The following MLF2 variants were observed in gnomAD, a reference collection of about 807,000 sequenced individuals.
MLF2 encodes myelodysplasia-myeloid leukemia factor 2.
Under a neutral mutation model 31.4 loss-of-function variants are expected in MLF2, and 12 were observed. The observed-to-expected ratio is 0.38, with a 90% confidence interval of 0.24 to 0.62. The LOEUF is 0.62. Among genes scored for constraint, MLF2 ranks in the 20% least tolerant of loss-of-function variants. The probability of loss-of-function intolerance (pLI) is 0.58; values close to 1 mark genes in which losing one functional copy is unlikely to be tolerated. For missense variants in MLF2, 272 were observed against 359.7 expected, an observed-to-expected ratio of 0.76 and a Z score of 1.97; for synonymous variants, 109 against 118.8, an observed-to-expected ratio of 0.92 and a Z score of 0.54.
rs768680012 is a variant in MLF2 at position 6,748,778 on chromosome 12, C to A, written c.*17G>T. 6.6e-7 allele frequency: 1 copy of A among 1,511,496 alleles called. No homozygotes were observed. Among genetic ancestry groups the A allele is most frequent in the East Asian group, 2.6e-5 (1 of 39,062 alleles). The allele number at this position is 1,511,496 out of a possible 1,614,324, so 93.6% of individuals were successfully genotyped here. Reference sequence around the variant, plus strand: ...TTACTCCTGATACTTACAAGAGAGGCTGAGGGCCCGGGGCCCTCACCAGTC... The same window carrying A: ...TTACTCCTGATACTTACAAGAGAGGATGAGGGCCCGGGGCCCTCACCAGTC... On this transcript the variant is annotated 3_prime_UTR_variant, in exon 8 of 9. Transcript: ENST00000203630. The surrounding 1 kb of genome is among the most constrained non-coding windows in gnomAD (Gnocchi z 4.6).
Position 6,750,466 on chromosome 12 carries a change from T to C in MLF2, c.271-161A>G. Reference sequence around the variant, plus strand: ...CATTACCCTCCCAAATTCCTCTGAGTCCAACCACGAGCAAGAAGGACCTGA... The same window carrying C: ...CATTACCCTCCCAAATTCCTCTGAGCCCAACCACGAGCAAGAAGGACCTGA... On this transcript the variant is annotated intron_variant, in intron 5 of 8. Transcript: ENST00000203630. The surrounding 1 kb of genome is among the most constrained non-coding windows in gnomAD (Gnocchi z 5.3). 1.9e-6 allele frequency: 2 copies of C among 1,040,730 alleles called. No homozygotes were observed. Among genetic ancestry groups the C allele is most frequent in the Non-Finnish European group, 2.8e-6 (2 of 726,142 alleles). 64.5% of individuals were successfully genotyped at this position (1,040,730 alleles called of 1,614,324 possible). A position where few individuals can be genotyped will look rare whatever the true frequency, so the allele number is the denominator to read the frequency against.
In MLF2 at chr12:6,753,094, C is replaced by A. The variant is rs914256433; in HGVS notation, c.-184G>T. On this transcript the variant is annotated 5_prime_UTR_variant, in exon 1 of 9. Transcript: ENST00000203630. ...TCCCACAGCTGCCACCTCCGTACGG[C>A]CCCCTCGGCCAACGGAGCCCGAACC... 1.2e-4 allele frequency: 46 copies of A among 390,668 alleles called. No individual in the cohort carries two copies. Among genetic ancestry groups the A allele is most frequent in the Non-Finnish European group, 1.6e-4 (35 of 221,544 alleles). The allele number at this position is 390,668 out of a possible 1,614,324, so 24.2% of individuals were successfully genotyped here. A position where few individuals can be genotyped will look rare whatever the true frequency, so the allele number is the denominator to read the frequency against.
chr12:6,749,723 CAAAAA>C lies in MLF2; in HGVS notation c.559+120_559+124del. The C allele has an allele frequency of 1.2e-5, 13 of 1,081,246 alleles. No individual in the cohort carries two copies. The highest frequency in any genetic ancestry group is 1.6e-5 in the South Asian group (1 of 61,808). The allele number at this position is 1,081,246 out of a possible 1,614,324, so 67.0% of individuals were successfully genotyped here. ...GGGCAACAAGAGCGAGACTCCATCT[CAAAAA>C]AAAAAAAAAAGGAATATGGGGCTGA... On this transcript the variant is annotated intron_variant, in intron 7 of 8. Transcript: ENST00000203630. This position sits in a 1 kb window ranked among gnomAD's most constrained non-coding sequence, Gnocchi z 5.3.
Position 6,750,818 on chromosome 12 carries a change from A to T in MLF2, c.217-52T>A. On this transcript the variant is annotated intron_variant, in intron 4 of 8. Transcript: ENST00000203630. The surrounding 1 kb of genome is among the most constrained non-coding windows in gnomAD (Gnocchi z 5.3). ...TCAGGAAAGCAAAGTCAGTGTTCAG[A>T]GTTGATCCTGTTTAGGAACCCACAA... 6.4e-7 allele frequency: 1 copy of T among 1,565,050 alleles called. No homozygotes were observed. The highest frequency in any genetic ancestry group is 8.8e-7 in the Non-Finnish European group (1 of 1,136,824).
rs1174454600 is a variant in MLF2 at position 6,752,670 on chromosome 12, T to C, written c.-29+269A>G. 1 of 253,712 alleles carries C rather than the reference T, an allele frequency of 3.9e-6. No individual in the cohort carries two copies. The highest frequency in any genetic ancestry group is 7.7e-6 in the Non-Finnish European group (1 of 129,640). The allele number at this position is 253,712 out of a possible 1,614,324, so 15.7% of individuals were successfully genotyped here. ...TCCCCTCCTCCCGCCGACGACACCG[T>C]TCTAGATGAGAATGCCAAGTGCAGG... On this transcript the variant is annotated intron_variant, in intron 1 of 8. Transcript: ENST00000203630. The surrounding 1 kb of genome is among the most constrained non-coding windows in gnomAD (Gnocchi z 4.6).
chr12:6,748,535 T>G lies in MLF2; in HGVS notation c.*38A>C. 2.6e-6 allele frequency: 1 copy of G among 385,724 alleles called. No homozygotes were observed. The highest frequency in any genetic ancestry group is 4.0e-5 in the East Asian group (1 of 25,080). 23.9% of individuals were successfully genotyped at this position (385,724 alleles called of 1,614,324 possible). On this transcript the variant is annotated 3_prime_UTR_variant, in exon 9 of 9. Coordinates refer to ENST00000203630, the MANE Select transcript of MLF2 (RefSeq NM_001382226.1). The surrounding 1 kb of genome is among the most constrained non-coding windows in gnomAD (Gnocchi z 4.6). Reference sequence around the variant, plus strand: ...TTATTCAGGGGATGATTTCTCAGCCTCTCAGCCTGTACCTGGAGGGGGAAA... The same window carrying G: ...TTATTCAGGGGATGATTTCTCAGCCGCTCAGCCTGTACCTGGAGGGGGAAA...
chr12:6,751,734 C>A, intron 3 of MLF2, 58 bp from the exon 4 acceptor site: 3 of 1,604,218 alleles, frequency 1.9e-6, no homozygotes, highest in East Asian at 2.2e-5. Flanking sequence ...TTTACAATCC[C>A]AAACCAGGCC....
chr12:6,748,599 G>A lies in MLF2; in HGVS notation c.*26-52C>T, dbSNP rs983977422. 3.6e-5 allele frequency: 18 copies of A among 498,368 alleles called. 1 individual carries two copies. Among genetic ancestry groups the A allele is most frequent in the South Asian group, 2.8e-4 (7 of 25,112 alleles). 30.9% of individuals were successfully genotyped at this position (498,368 alleles called of 1,614,324 possible). A position where few individuals can be genotyped will look rare whatever the true frequency, so the allele number is the denominator to read the frequency against. On this transcript the variant is annotated intron_variant, in intron 8 of 8. Transcript: ENST00000203630. The surrounding 1 kb of genome is among the most constrained non-coding windows in gnomAD (Gnocchi z 4.6). Reference sequence around the variant, plus strand: ...AAGTCAAAAGGAAGAAAAAACTTACGTTAAGAGCCAGGAGTTGGGGTTTAA... The same window carrying A: ...AAGTCAAAAGGAAGAAAAAACTTACATTAAGAGCCAGGAGTTGGGGTTTAA...
Position 6,752,299 on chromosome 12 carries a change from A to C in MLF2, c.36T>G (p.Asp12Glu). 6.4e-7 allele frequency: 1 copy of C among 1,561,980 alleles called. No homozygotes were observed. Among genetic ancestry groups the C allele is most frequent in the Non-Finnish European group, 8.7e-7 (1 of 1,152,148 alleles). The change falls in exon 2 of 9, where the codon GAT becomes GAG. Residue 12 changes from aspartate to glutamate, a missense_variant. Asp to Glu is a conservative substitution (Grantham distance 45, BLOSUM62 2). Coordinates refer to ENST00000203630, the MANE Select transcript of MLF2 (RefSeq NM_001382226.1). The surrounding 1 kb of genome is among the most constrained non-coding windows in gnomAD (Gnocchi z 4.6). The part of the protein sequence containing the change: ...FRFMRDVEPE[D>E]PMFLMDPFAI... ...GGAATACTCACATCAGGAACATGGGATCCTCAGGCTCCACGTCCCTCATGA... is the reference window on the plus strand; with the variant it reads ...GGAATACTCACATCAGGAACATGGGCTCCTCAGGCTCCACGTCCCTCATGA...
chr12:6,748,648 G>C lies in MLF2; in HGVS notation c.*26-101C>G. ...AATCCCCTATGTCAGTGAGAACATTGTTCTCTTTCCATGTCAACTTGTACT... is the reference window on the plus strand; with the variant it reads ...AATCCCCTATGTCAGTGAGAACATTCTTCTCTTTCCATGTCAACTTGTACT... On this transcript the variant is annotated intron_variant, in intron 8 of 8. Coordinates refer to ENST00000203630, the MANE Select transcript of MLF2 (RefSeq NM_001382226.1). This position sits in a 1 kb window ranked among gnomAD's most constrained non-coding sequence, Gnocchi z 4.6. 1 of 770,282 alleles carries C rather than the reference G, an allele frequency of 1.3e-6. No homozygotes were observed. The highest frequency in any genetic ancestry group is 2.0e-6 in the Non-Finnish European group (1 of 493,836). The allele number at this position is 770,282 out of a possible 1,614,324, so 47.7% of individuals were successfully genotyped here. A position where few individuals can be genotyped will look rare whatever the true frequency, so the allele number is the denominator to read the frequency against.
In MLF2 at chr12:6,752,001, A is replaced by C; in HGVS notation, c.104T>G (p.Phe35Cys). 6.2e-7 allele frequency: 1 copy of C among 1,614,214 alleles called. No individual in the cohort carries two copies. The highest frequency in any genetic ancestry group is 8.5e-7 in the Non-Finnish European group (1 of 1,180,034). ...GATGCTGAGGAAGGGGCTATATCCAAAGCCACCTGACAACATACGGCTCAT... is the reference window on the plus strand; with the variant it reads ...GATGCTGAGGAAGGGGCTATATCCACAGCCACCTGACAACATACGGCTCAT... Reference protein sequence around the residue: ...QHMSRMLSGGFGYSPFLSITD... With the variant: ...QHMSRMLSGGCGYSPFLSITD... The change falls in exon 3 of 9, where the codon TTT (phenylalanine) becomes TGT (cysteine). Residue 35 changes from phenylalanine (F) to cysteine (C), a missense_variant. Physicochemically the swap from Phe to Cys is radical, Grantham distance 205. Transcript: ENST00000203630. This position sits in a 1 kb window ranked among gnomAD's most constrained non-coding sequence, Gnocchi z 4.6.
At position 6,752,543 on chromosome 12, in the gene MLF2, C is replaced by G. The variant is rs1255109449; in HGVS notation, c.-28-181G>C. Reference sequence around the variant, plus strand: ...AGGGAGGGAAGGGCTCTTCAAACCTCTTTCTCAATTAGGGCCATGGAAAAT... The same window carrying G: ...AGGGAGGGAAGGGCTCTTCAAACCTGTTTCTCAATTAGGGCCATGGAAAAT... On this transcript the variant is annotated intron_variant, in intron 1 of 8. Coordinates refer to ENST00000203630, the MANE Select transcript of MLF2 (RefSeq NM_001382226.1). This position sits in a 1 kb window ranked among gnomAD's most constrained non-coding sequence, Gnocchi z 4.6. The G allele has an allele frequency of 3.6e-6, 2 of 548,074 alleles. No individual in the cohort carries two copies. The highest frequency in any genetic ancestry group is 6.0e-5 in the East Asian group (2 of 33,142). 34.0% of individuals were successfully genotyped at this position (548,074 alleles called of 1,614,324 possible). A position where few individuals can be genotyped will look rare whatever the true frequency, so the allele number is the denominator to read the frequency against.
At position 6,752,493 on chromosome 12, in the gene MLF2, C is replaced by G; in HGVS notation, c.-28-131G>C. 1.4e-6 allele frequency: 1 copy of G among 706,380 alleles called. No homozygotes were observed. The allele number at this position is 706,380 out of a possible 1,614,324, so 43.8% of individuals were successfully genotyped here. ...CCCCCTAAACTCCAGGGAGACCCTA[C>G]TCCAGGTGTTCCACACAACCCTCTA... On this transcript the variant is annotated intron_variant, in intron 1 of 8. Coordinates refer to ENST00000203630, the MANE Select transcript of MLF2 (RefSeq NM_001382226.1). The surrounding 1 kb of genome is among the most constrained non-coding windows in gnomAD (Gnocchi z 4.6).
rs1184520312 is a variant in MLF2, at chr12:6,752,733, C to T, written c.-29+206G>A. The T allele has an allele frequency of 5.4e-6, 1 of 184,792 alleles. No homozygotes were observed. Among genetic ancestry groups the T allele is most frequent in the Non-Finnish European group, 1.1e-5 (1 of 88,008 alleles). The allele number at this position is 184,792 out of a possible 1,614,324, so 11.4% of individuals were successfully genotyped here. Reference sequence around the variant, plus strand: ...TTAATGACCCCAGTCACCCCGCCCCCTCCTTACACTCAGGCCTCCCCCAGG... The same window carrying T: ...TTAATGACCCCAGTCACCCCGCCCCTTCCTTACACTCAGGCCTCCCCCAGG... On this transcript the variant is annotated intron_variant, in intron 1 of 8. Coordinates refer to ENST00000203630, the MANE Select transcript of MLF2 (RefSeq NM_001382226.1). The surrounding 1 kb of genome is among the most constrained non-coding windows in gnomAD (Gnocchi z 4.6).
chr12:6,749,837 G>A lies in MLF2; in HGVS notation c.559+11C>T. On this transcript the variant is annotated intron_variant, in intron 7 of 8. Coordinates refer to ENST00000203630, the MANE Select transcript of MLF2 (RefSeq NM_001382226.1). The surrounding 1 kb of genome is among the most constrained non-coding windows in gnomAD (Gnocchi z 5.3). ...GGGGCTGCCAGCCAGGAAGCGGGAG[G>A]GAAGGCTCACTCTCATCCAGGTTGA... 6.2e-7 allele frequency: 1 copy of A among 1,613,670 alleles called. No homozygotes were observed. Among genetic ancestry groups the A allele is most frequent in the Non-Finnish European group, 8.5e-7 (1 of 1,179,808 alleles).
rs1188631375 is a variant in MLF2, at chr12:6,752,843, G to A, written c.-29+96C>T. On this transcript the variant is annotated intron_variant, in intron 1 of 8. Coordinates refer to ENST00000203630, the MANE Select transcript of MLF2 (RefSeq NM_001382226.1). The surrounding 1 kb of genome is among the most constrained non-coding windows in gnomAD (Gnocchi z 4.6). ...AGGCGAGCAGGAGAGGTAGGCCTGAGCCTCTCCTCTCCCCACCCCGCATCC... is the reference window on the plus strand; with the variant it reads ...AGGCGAGCAGGAGAGGTAGGCCTGAACCTCTCCTCTCCCCACCCCGCATCC... The A allele has an allele frequency of 1.2e-5, 2 of 166,758 alleles. No individual in the cohort carries two copies. The highest frequency in any genetic ancestry group is 6.3e-5 in the Admixed American group (1 of 15,948). The allele number at this position is 166,758 out of a possible 1,614,324, so 10.3% of individuals were successfully genotyped here. A position where few individuals can be genotyped will look rare whatever the true frequency, so the allele number is the denominator to read the frequency against.
In MLF2 at chr12:6,748,768, A is replaced by T; in HGVS notation, c.*25+2T>A. The T allele has an allele frequency of 6.6e-7, 1 of 1,503,998 alleles. No homozygotes were observed. 93.2% of individuals were successfully genotyped at this position (1,503,998 alleles called of 1,614,324 possible). A position where few individuals can be genotyped will look rare whatever the true frequency, so the allele number is the denominator to read the frequency against. On this transcript the variant is annotated splice_donor_variant, in intron 8 of 8. Coordinates refer to ENST00000203630, the MANE Select transcript of MLF2 (RefSeq NM_001382226.1). LOFTEE classifies it low-confidence loss of function (3UTR_SPLICE). This position sits in a 1 kb window ranked among gnomAD's most constrained non-coding sequence, Gnocchi z 4.6. ...CCCACCCTCCTTACTCCTGATACTT[A>T]CAAGAGAGGCTGAGGGCCCGGGGCC...
At position 6,749,689 on chromosome 12, in the gene MLF2, T is replaced by C; in HGVS notation, c.559+159A>G. Reference sequence around the variant, plus strand: ...GAGATCGCGCCACTGCACTCCAGCCTGGGCACCTGGGCAACAAGAGCGAGA... The same window carrying C: ...GAGATCGCGCCACTGCACTCCAGCCCGGGCACCTGGGCAACAAGAGCGAGA... On this transcript the variant is annotated intron_variant, in intron 7 of 8. Coordinates refer to ENST00000203630, the MANE Select transcript of MLF2 (RefSeq NM_001382226.1). This position sits in a 1 kb window ranked among gnomAD's most constrained non-coding sequence, Gnocchi z 5.3. 9.8e-7 allele frequency: 1 copy of C among 1,017,026 alleles called. No homozygotes were observed. Among genetic ancestry groups the C allele is most frequent in the Non-Finnish European group, 1.4e-6 (1 of 703,270 alleles). The allele number at this position is 1,017,026 out of a possible 1,614,324, so 63.0% of individuals were successfully genotyped here. A position where few individuals can be genotyped will look rare whatever the true frequency, so the allele number is the denominator to read the frequency against.
rs1439650468 is a variant in MLF2 at position 6,748,692 on chromosome 12, G to A, written c.*25+78C>T. ...TTGTACTACCAAAGGCAGCTCCTGC[G>A]GGAGCCTGAACTGAGCCTGCCTTGC... On this transcript the variant is annotated intron_variant, in intron 8 of 8. Transcript: ENST00000203630. This position sits in a 1 kb window ranked among gnomAD's most constrained non-coding sequence, Gnocchi z 4.6. 1.5e-5 allele frequency: 17 copies of A among 1,126,898 alleles called. No individual in the cohort carries two copies. The highest frequency in any genetic ancestry group is 2.0e-5 in the Non-Finnish European group (16 of 814,102). 69.8% of individuals were successfully genotyped at this position (1,126,898 alleles called of 1,614,324 possible). A position where few individuals can be genotyped will look rare whatever the true frequency, so the allele number is the denominator to read the frequency against.
Sources: allele counts gnomAD v4.1 joint callset, GRCh38; gene constraint gnomAD v4.1.1; non-coding constraint Gnocchi (gnomAD v3.1); transcripts MANE v1.5; gene names NCBI Gene and HGNC (gene_info 2026-07-23, HGNC 2026-07-21).